Variants in DAB2IP observed in about 807,000 individuals in gnomAD.
DAB2IP encodes DAB2 interacting protein.
A neutral mutation model predicts 107.2 loss-of-function variants in DAB2IP; 28 were observed. That is an observed-to-expected ratio of 0.26 (90% CI 0.19 to 0.36). DAB2IP has a LOEUF of 0.36. Ranked by LOEUF, DAB2IP falls within the 10% of genes least tolerant of loss-of-function variation. The pLI, the probability that DAB2IP is intolerant of heterozygous loss-of-function variation, is 1.00. For missense variants in DAB2IP, 1,400 were observed against 1,644.7 expected (o/e 0.85, Z 2.57); for synonymous variants, 755 against 706.4 (o/e 1.07, Z -1.09).
In DAB2IP at chr9:121,633,092, G is replaced by A. The variant is rs968394726; in HGVS notation, c.41-45586G>A. Among the ~76,000 whole-genome samples, 5 of 152,236 alleles carry A rather than the reference G, an allele frequency of 3.3e-5. No homozygotes were observed. The highest frequency in any genetic ancestry group is 3.8e-4 in the East Asian group (2 of 5,200). On this transcript the variant is annotated intron_variant, in intron 1 of 16. Transcript: ENST00000259371. This position sits in a 1 kb window ranked among gnomAD's most constrained non-coding sequence, Gnocchi z 5.1. ...ATAAATTTGCTGTTTTGTAGAGCATGTGGATGCATATTTGGGGGGCTTAAT... is the reference window on the plus strand; with the variant it reads ...ATAAATTTGCTGTTTTGTAGAGCATATGGATGCATATTTGGGGGGCTTAAT...
upstream of DAB2IP, among the ~76,000 whole-genome samples, chr9:121,650,241 C>T (rs559730110): frequency 6.6e-6 from 1 of 152,316 alleles, no homozygotes; most frequent in South Asian, 2.1e-4. Flanking sequence ...GCTGATAGCT[C>T]TGGACTCCTC....
intron 3 of DAB2IP, among the ~76,000 whole-genome samples, chr9:121,700,665 G>A (rs1233643166): frequency 6.6e-6 from 1 of 152,186 alleles, no homozygotes; most frequent in Non-Finnish European, 1.5e-5. Context: ...AAGGTTGAGT[G>A]ACTGTTTAAC....
At chr9:121,741,038 C>CT (rs1023419772) in intron 3 of DAB2IP, among the ~76,000 whole-genome samples, 2 of 152,154 alleles carry the variant, frequency 1.3e-5, no homozygotes, top group African/African-American at 4.8e-5. Context: ...AGGTCTCCTA[C>CT]TACCTCTCAA....
chr9:121,733,503 A>C (rs931991543), intron 3 of DAB2IP, among the ~76,000 whole-genome samples: 1 of 152,230 alleles, frequency 6.6e-6, no homozygotes, highest in African/African-American at 2.4e-5. Context: ...AGACAGGAGC[A>C]TCCTGAGCTC....
chr9:121,607,948 C>T (rs1295076436), intron 1 of DAB2IP, among the ~76,000 whole-genome samples: 3 of 152,238 alleles, frequency 2.0e-5, no homozygotes, highest in South Asian at 4.1e-4. Flanking sequence ...TGGAAGCAGG[C>T]CCTGGCCAGA....
chr9:121,770,153 A>C (rs1412200901), intron 10 of DAB2IP, among the ~76,000 whole-genome samples: 1 of 152,184 alleles, frequency 6.6e-6, no homozygotes, highest in Non-Finnish European at 1.5e-5. Context: ...GCCCCAGCCC[A>C]TCCCGTGGAG....
intron 1 of DAB2IP, among the ~76,000 whole-genome samples, chr9:121,569,411 G>C (rs1432026344): frequency 6.6e-6 from 1 of 152,244 alleles, no homozygotes; most frequent in Admixed American, 6.5e-5. Flanking sequence ...AAGGCTTCCT[G>C]GCAGAGGTGA....
intron 2 of DAB2IP, among the ~76,000 whole-genome samples, chr9:121,680,543 C>A (rs1828529655): frequency 6.6e-6 from 1 of 152,082 alleles, no homozygotes. Flanking sequence ...ACAAGGGTGA[C>A]CCCCATCAGC....
In DAB2IP at chr9:121,575,662, T is replaced by C. The variant is rs184090155; in HGVS notation, c.40+8434T>C. Among the ~76,000 whole-genome samples, 290 of 152,150 alleles carry C rather than the reference T, an allele frequency of 1.9e-3. 1 individual carries two copies. Among genetic ancestry groups the C allele is most frequent in the Non-Finnish European group, 3.1e-3 (214 of 67,994 alleles). On this transcript the variant is annotated intron_variant, in intron 1 of 16. Transcript: ENST00000259371. ...GACCCCACACATCAGGCCCAGTGTG[T>C]CCCCAGCTTCCCCTCACTGGCCTCC...
chr9:121,727,920 C>G (rs562854608), intron 3 of DAB2IP, among the ~76,000 whole-genome samples: 1 of 152,252 alleles, frequency 6.6e-6, no homozygotes, highest in East Asian at 1.9e-4. Context: ...GAGCCACCAC[C>G]CATCATCCTT....
intron 4 of DAB2IP, among the ~76,000 whole-genome samples, chr9:121,758,371 A>G (rs2118960323): frequency 6.6e-6 from 1 of 152,324 alleles, no homozygotes; most frequent in African/African-American, 2.4e-5. Context: ...CCAGTCTGGC[A>G]TAAAAAATAT....
chr9:121,657,513 G>C (rs182578774), intron 1 of DAB2IP, among the ~76,000 whole-genome samples: 250 of 152,334 alleles, frequency 1.6e-3, no homozygotes, highest in African/African-American at 5.8e-3. Flanking sequence ...CTAGCAGGTA[G>C]GGGTTATTGT....
In DAB2IP at chr9:121,760,767, C is replaced by T. The variant is rs1448315246; in HGVS notation, c.1170+328C>T. Among the ~76,000 whole-genome samples the T allele has an allele frequency of 1.3e-5, 2 of 152,104 alleles. No homozygotes were observed. The highest frequency in any genetic ancestry group is 1.9e-4 in the East Asian group (1 of 5,186). ...GCCAGGGGAACAGGCTGGGTGGCCACGGCTCTCCCAGCACACAGGTCCCAC... is the reference window on the plus strand; with the variant it reads ...GCCAGGGGAACAGGCTGGGTGGCCATGGCTCTCCCAGCACACAGGTCCCAC... On this transcript the variant is annotated intron_variant, in intron 6 of 15. Coordinates refer to ENST00000408936, the Ensembl canonical transcript of DAB2IP. The surrounding 1 kb of genome is among the most constrained non-coding windows in gnomAD (Gnocchi z 5.9).
intron 1 of DAB2IP, among the ~76,000 whole-genome samples, chr9:121,622,209 C>T (rs1185895897): frequency 1.3e-5 from 2 of 151,582 alleles, no homozygotes; most frequent in Non-Finnish European, 2.9e-5. Flanking sequence ...ACGATGGTCT[C>T]GATTTCCTGA....
At chr9:121,669,427 T>C (rs557617732) in intron 1 of DAB2IP, among the ~76,000 whole-genome samples, 5 of 152,240 alleles carry the variant, frequency 3.3e-5, no homozygotes, top group Admixed American at 1.3e-4. Context: ...CATTTATTAC[T>C]CATTGCAGTG....
intron 3 of DAB2IP, chr9:121,737,137 C>A (rs1831987497): frequency 6.2e-6 from 6 of 967,630 alleles, no homozygotes; most frequent in Non-Finnish European, 7.4e-6. Context: ...AGGGGAGGAG[C>A]CTGTAGGGAC....
intron 3 of DAB2IP, among the ~76,000 whole-genome samples, chr9:121,750,343 G>A (rs986361391): frequency 4.6e-5 from 7 of 152,194 alleles, no homozygotes; most frequent in African/African-American, 7.2e-5. Flanking sequence ...GTGTGTGTGT[G>A]TTTAATCCCA....
At chr9:121,716,309 A>G in intron 3 of DAB2IP, among the ~76,000 whole-genome samples, 1 of 152,254 alleles carries the variant, frequency 6.6e-6, no homozygotes, top group African/African-American at 2.4e-5. Context: ...CATGTAAGGC[A>G]GAGCCTGGTG....
At chr9:121,574,621 C>T (rs1323216855) in intron 1 of DAB2IP, among the ~76,000 whole-genome samples, 5 of 152,124 alleles carry the variant, frequency 3.3e-5, no homozygotes, top group African/African-American at 1.2e-4. Context: ...AGGAGAAAAT[C>T]AAGGCTTAGA....
Sources: gnomAD v4.1 joint callset for allele counts (sites outside exome capture counted in the v4.1 genomes callset) on GRCh38, gnomAD v4.1.1 for gene constraint, Gnocchi (gnomAD v3.1) non-coding constraint, MANE v1.5 for transcripts, NCBI Gene and HGNC (gene_info 2026-07-23, HGNC 2026-07-21) for gene names.